Variants in NRXN1 observed in about 807,000 individuals in gnomAD.
NRXN1 encodes neurexin-1.
In NRXN1, 39 loss-of-function variants were observed where a neutral mutation model predicts 150.9. That is an observed-to-expected ratio of 0.26 (90% CI 0.20 to 0.34). The LOEUF (loss-of-function observed/expected upper bound fraction) is 0.34. Ranked by LOEUF, NRXN1 falls within the 10% of genes least tolerant of loss-of-function variation. The pLI is 1.00. For synonymous variants in NRXN1, 924 were observed against 757.0 expected (o/e 1.22, Z -3.62); for missense variants, 1,815 against 1,949.9 (o/e 0.93, Z 1.30).
At position 50,525,817 on chromosome 2, in the gene NRXN1, G is replaced by A. The variant is rs185672641; in HGVS notation, c.2374+2808C>T. On this transcript the variant is annotated intron_variant, in intron 12 of 22. Transcript: ENST00000401669. ...CTTGACAGCTTTTCTTCCCGGGGGG[G>A]AAATGGTAGCAATAAGGAATTTGAC... Among the ~76,000 whole-genome samples the A allele has an allele frequency of 4.8e-4, 73 of 152,260 alleles. No individual in the cohort carries two copies. In the East Asian group the frequency reaches 0.011, roughly 22 times the overall value.
At chr2:50,538,951 C>G (rs549240602) in intron 9 of NRXN1, among the ~76,000 whole-genome samples, 10 of 152,284 alleles carry the variant, frequency 6.6e-5, no homozygotes, top group African/African-American at 2.4e-4. Context: ...AATAAAGAAA[C>G]TGTAATTCTG....
chr2:50,407,775 G>A (rs1267941070), intron 17 of NRXN1, among the ~76,000 whole-genome samples: 1 of 152,052 alleles, frequency 6.6e-6, no homozygotes, highest in Non-Finnish European at 1.5e-5. Context: ...ACCAGATATG[G>A]TTCCTTGACC....
chr2:50,918,668 A>G (rs1685563924), intron 5 of NRXN1: 1 of 357,662 alleles, frequency 2.8e-6, no homozygotes. Context: ...AATCAAAGCA[A>G]TTATTGGAAT....
intron 17 of NRXN1, among the ~76,000 whole-genome samples, chr2:50,415,607 G>A (rs371448469): frequency 2.0e-5 from 3 of 152,124 alleles, no homozygotes; most frequent in East Asian, 3.9e-4. Flanking sequence ...GGAGGCATGT[G>A]AAATATTAGC....
chr2:50,652,857 G>T (rs1361471922), intron 5 of NRXN1, among the ~76,000 whole-genome samples: 1 of 152,014 alleles, frequency 6.6e-6, no homozygotes, highest in Non-Finnish European at 1.5e-5. Flanking sequence ...GGTTATTGTT[G>T]ATGTTTTCCA....
At chr2:50,616,643 T>C (rs1376538219) in intron 8 of NRXN1, 2 of 152,216 alleles carry the variant, frequency 1.3e-5, no homozygotes, top group Non-Finnish European at 2.9e-5. Flanking sequence ...ACCCCCTTAT[T>C]ACTCTTGGTC....
At chr2:50,823,306 C>T (rs1330612372) in intron 5 of NRXN1, among the ~76,000 whole-genome samples, 1 of 152,066 alleles carries the variant, frequency 6.6e-6, no homozygotes, top group African/African-American at 2.4e-5. Context: ...TACCTGTGAC[C>T]CTAGGCCATC....
At chr2:50,142,672 A>T (rs978810818) in intron 18 of NRXN1, among the ~76,000 whole-genome samples, 1 of 152,022 alleles carries the variant, frequency 6.6e-6, no homozygotes, top group African/African-American at 2.4e-5. Context: ...AGTAAGAAAT[A>T]CTTTAAAATT....
At chr2:50,251,879 T>C (rs1156856703) in intron 17 of NRXN1, among the ~76,000 whole-genome samples, 2 of 152,120 alleles carry the variant, frequency 1.3e-5, no homozygotes, top group Non-Finnish European at 2.9e-5. Context: ...TAATGTTTTT[T>C]TGTTTGTTTG....
At chr2:50,352,753 GATAATAATA>G (rs201046323) in intron 17 of NRXN1, among the ~76,000 whole-genome samples, 2 of 83,782 alleles carry the variant, frequency 2.4e-5, no homozygotes, top group Non-Finnish European at 5.0e-5. Flanking sequence ...TAAGAGCATT[GATAATAATA>G]ATAATAATAA....
intron 2 of NRXN1, among the ~76,000 whole-genome samples, chr2:51,025,407 T>C (rs1670281659): frequency 6.6e-6 from 1 of 152,202 alleles, no homozygotes; most frequent in South Asian, 2.1e-4. Context: ...AATTACTTTT[T>C]CCACTCTTAA....
At chr2:50,538,666 C>T in intron 9 of NRXN1, 30 bp from the exon 10 acceptor site, 1 of 1,426,952 alleles carries the variant, frequency 7.0e-7, no homozygotes, top group Non-Finnish European at 9.2e-7. Flanking sequence ...ATGCACAGGT[C>T]TTTAAAAAGC....
chr2:50,623,265 C>T (rs201845640), intron 6 of NRXN1, 49 bp downstream of exon 6: 13 of 1,472,412 alleles, frequency 8.8e-6, no homozygotes, highest in Non-Finnish European at 1.2e-5. Context: ...ACACACACAG[C>T]TATAGCGAGA....
At chr2:50,465,299 T>A in intron 17 of NRXN1, 143 bp downstream of exon 17, 1 of 668,722 alleles carries the variant, frequency 1.5e-6, no homozygotes, top group Non-Finnish European at 2.2e-6. Context: ...AACTGTCCTT[T>A]CCGTAGAAAC....
chr2:50,864,902 G>A (rs1050941590), intron 5 of NRXN1, among the ~76,000 whole-genome samples: 62 of 151,956 alleles, frequency 4.1e-4, no homozygotes, highest in African/African-American at 1.4e-3. Flanking sequence ...CAAGTCCAGG[G>A]TGGGGCCTTT....
At chr2:50,527,868 T>C (rs995886195) in intron 12 of NRXN1, among the ~76,000 whole-genome samples, 1 of 152,180 alleles carries the variant, frequency 6.6e-6, no homozygotes, top group African/African-American at 2.4e-5. Flanking sequence ...TTGTGATCAT[T>C]GGAGATTTCT....
chr2:50,276,375 A>C (rs1196476096), intron 17 of NRXN1, among the ~76,000 whole-genome samples: 1 of 152,194 alleles, frequency 6.6e-6, no homozygotes, highest in African/African-American at 2.4e-5. Context: ...AACGGGAAGA[A>C]CATTAAAAGG....
At chr2:50,338,327 T>C (rs1558554305) in intron 17 of NRXN1, among the ~76,000 whole-genome samples, 1 of 152,116 alleles carries the variant, frequency 6.6e-6, no homozygotes, top group African/African-American at 2.4e-5. Context: ...TAGAAAATGA[T>C]CAATTTTTCT....
chr2:50,991,581 T>C (rs962074782), intron 2 of NRXN1, among the ~76,000 whole-genome samples: 7 of 152,046 alleles, frequency 4.6e-5, no homozygotes, highest in African/African-American at 1.4e-4. Context: ...CTAGTCTCTA[T>C]AGTTGTCATT....
Sources: allele counts gnomAD v4.1 joint callset (sites outside exome capture counted in the v4.1 genomes callset), GRCh38; gene constraint gnomAD v4.1.1; transcripts MANE v1.5; gene names NCBI Gene and HGNC (gene_info 2026-07-23, HGNC 2026-07-21).